The following IMPA2 variants were observed in gnomAD, a reference collection of about 807,000 sequenced individuals.
IMPA2 encodes the protein IMP 2.
Under a neutral mutation model 35.1 loss-of-function variants are expected in IMPA2, and 32 were observed. The observed-to-expected ratio is 0.91, with a 90% CI of 0.69 to 1.23. IMPA2 has a LOEUF of 1.23. IMPA2 is among the 50% of genes most tolerant of loss of function. IMPA2 has a pLI of 0.00. For synonymous variants in IMPA2, 135 were observed against 160.6 expected (o/e 0.84, Z 1.20); for missense variants, 334 against 387.6 (o/e 0.86, Z 1.16).
At chr18:11,987,840 G>C (rs181422814) in intron 1 of IMPA2, among the ~76,000 whole-genome samples, 149 of 152,216 alleles carry the variant, frequency 9.8e-4, no homozygotes, top group African/African-American at 3.5e-3. Flanking sequence ...ACTCCACCCT[G>C]CAGTGTGTGA....
In IMPA2 at chr18:12,028,789, C is replaced by T. The variant is rs538874707; in HGVS notation, c.600-53C>T. On this transcript the variant is annotated intron_variant, in intron 6 of 7. Coordinates refer to ENST00000269159, the MANE Select transcript of IMPA2 (RefSeq NM_014214.3). ...ACCTGGCTGAAGTCGGCTTGCACAC[C>T]ACAGAAAAGGCTCCACTCCCGCCTG... is the stretch of plus-strand genomic sequence containing the variant. The T allele has an allele frequency of 3.8e-6, 6 of 1,585,252 alleles. No homozygotes were observed. The South Asian group carries it at 6.9e-5, about 18-fold the overall frequency.
At chr18:11,986,746 T>A (rs959349981) in intron 1 of IMPA2, among the ~76,000 whole-genome samples, 1 of 152,150 alleles carries the variant, frequency 6.6e-6, no homozygotes, top group African/African-American at 2.4e-5. Context: ...TGTTCTCAAT[T>A]TTCTGAGAGT....
chr18:12,007,656 TTTCTTTCTTTCTTTCTTTCTTTCC>T, intron 2 of IMPA2, among the ~76,000 whole-genome samples: 1 of 118,066 alleles, frequency 8.5e-6, no homozygotes, highest in African/African-American at 3.3e-5. Context: ...TCTTTCTTTC[TTTCTTTCTTTCTTTCTTTCTTTCC>T]TTTCTTTCCT....
At position 12,030,485 on chromosome 18, in the gene IMPA2, A is replaced by T; in HGVS notation, c.*27A>T. ...TGCGGCTGAGGCAAAGCTGCTCCCA[A>T]GGCCTCCCTGGGCTGCTGTGGGCTC... On this transcript the variant is annotated 3_prime_UTR_variant, in exon 8 of 8. Coordinates refer to ENST00000269159, the MANE Select transcript of IMPA2 (RefSeq NM_014214.3). 1.3e-6 allele frequency: 2 copies of T among 1,582,278 alleles called. No homozygotes were observed. Among genetic ancestry groups the T allele is most frequent in the Non-Finnish European group, 1.7e-6 (2 of 1,150,974 alleles).
chr18:12,002,194 A>AT (rs1907132927), intron 2 of IMPA2, among the ~76,000 whole-genome samples: 1 of 152,124 alleles, frequency 6.6e-6, no homozygotes, highest in Non-Finnish European at 1.5e-5. Context: ...GGACATTGTG[A>AT]TTTTTTTCTG....
At position 12,012,203 on chromosome 18, in the gene IMPA2, T is replaced by C. The variant is rs1907452852; in HGVS notation, c.369T>C (p.Ala123=). ...CTGTGGCGGTTAGCATTGGATTTGC[T>C]GTTCGACAAGAGGTGCGGGTGTGGC... The part of the protein sequence containing the change: ...FPTVAVSIGF[A]VRQELEFGVI... The change falls in exon 4 of 8, where the codon GCT becomes GCC. Residue 123 remains alanine, a synonymous_variant. Coordinates refer to ENST00000269159, the MANE Select transcript of IMPA2 (RefSeq NM_014214.3). 2 of 1,614,088 alleles carry C rather than the reference T, an allele frequency of 1.2e-6. No homozygotes were observed.
chr18:12,005,144 C>A lies in IMPA2; in HGVS notation c.231-4739C>A, dbSNP rs28485581. On this transcript the variant is annotated intron_variant, in intron 2 of 7. Transcript: ENST00000269159. ...GCAGAAGCCTGCTCCCTGCTGCCCA[C>A]AAGCATGAGGCAGGTGGGAAGGGGG... Among the ~76,000 whole-genome samples, 659 of 152,274 alleles carry A rather than the reference C, an allele frequency of 4.3e-3. 3 individuals carry two copies. The highest frequency in any genetic ancestry group is 0.015 in the African/African-American group (628 of 41,556).
intron 5 of IMPA2, among the ~76,000 whole-genome samples, chr18:12,023,718 C>A (rs1217286497): frequency 1.3e-5 from 2 of 152,180 alleles, no homozygotes; most frequent in South Asian, 4.1e-4. Context: ...TCCTTCATCT[C>A]TTCCCAGGGT....
At chr18:11,995,945 A>G (rs1330311327) in intron 1 of IMPA2, among the ~76,000 whole-genome samples, 1 of 152,214 alleles carries the variant, frequency 6.6e-6, no homozygotes, top group South Asian at 2.1e-4. Flanking sequence ...TGCTAGGGGT[A>G]CAGAAGGGAA....
intron 5 of IMPA2, among the ~76,000 whole-genome samples, chr18:12,027,220 C>T (rs72875420): frequency 2.0e-5 from 3 of 152,314 alleles, no homozygotes; most frequent in Non-Finnish European, 2.9e-5. Context: ...TGTGGCACAA[C>T]AAGGACAAAC....
At chr18:12,015,697 T>C (rs994778753) in intron 5 of IMPA2, among the ~76,000 whole-genome samples, 1 of 152,238 alleles carries the variant, frequency 6.6e-6, no homozygotes, top group African/African-American at 2.4e-5. Context: ...CCTCTGGCCC[T>C]GCCTCACCTT....
chr18:12,030,677 G>A lies in IMPA2; in HGVS notation c.*219G>A. Reference sequence around the variant, plus strand: ...CTGTTTCTCTCTTTAATCTCACGTAGCCTTTTTCAGGTTAGTACGTGTTCT... The same window carrying A: ...CTGTTTCTCTCTTTAATCTCACGTAACCTTTTTCAGGTTAGTACGTGTTCT... On this transcript the variant is annotated 3_prime_UTR_variant, in exon 8 of 8. Transcript: ENST00000269159. 1 of 554,256 alleles carries A rather than the reference G, an allele frequency of 1.8e-6. No homozygotes were observed. Among genetic ancestry groups the A allele is most frequent in the Non-Finnish European group, 3.2e-6 (1 of 310,520 alleles). 34.3% of individuals were successfully genotyped at this position (554,256 alleles called of 1,614,324 possible).
rs982584329 is a variant in IMPA2, at chr18:11,999,138, G to C, written c.181G>C (p.Val61Leu). The change falls in exon 2 of 8, where the codon GTG becomes CTG. Residue 61 changes from valine (V) to leucine (L), a missense_variant. By Grantham distance (32) the Val-to-Leu change is conservative. Coordinates refer to ENST00000269159, the MANE Select transcript of IMPA2 (RefSeq NM_014214.3). ...TCTTGTGACAGAAACAGATCACCTT[G>C]TGGAAGATTTAATTATTTCTGAGTT... ...ADLVTETDHL[V>L]EDLIISELRE... 6.2e-7 allele frequency: 1 copy of C among 1,613,898 alleles called. No individual in the cohort carries two copies. Among genetic ancestry groups the C allele is most frequent in the Admixed American group, 1.7e-5 (1 of 60,002 alleles).
intron 2 of IMPA2, among the ~76,000 whole-genome samples, chr18:12,007,442 C>G (rs1189700756): frequency 6.6e-6 from 1 of 152,200 alleles, no homozygotes; most frequent in Admixed American, 6.5e-5. Context: ...CCAGCCTTAT[C>G]CAAAAGTTCA....
chr18:11,997,664 A>G (rs1906998936), intron 1 of IMPA2, among the ~76,000 whole-genome samples: 1 of 152,142 alleles, frequency 6.6e-6, no homozygotes, highest in South Asian at 2.1e-4. Context: ...TTCTGGCAGC[A>G]CAGGGCCTGG....
chr18:12,014,758 C>T (rs1283518067), intron 5 of IMPA2, among the ~76,000 whole-genome samples: 1 of 152,194 alleles, frequency 6.6e-6, no homozygotes, highest in Non-Finnish European at 1.5e-5. Flanking sequence ...TGCCCAGGTG[C>T]AGTCTGTGGC....
At chr18:12,015,548 C>T (rs542829538) in intron 5 of IMPA2, among the ~76,000 whole-genome samples, 1 of 152,186 alleles carries the variant, frequency 6.6e-6, no homozygotes, top group East Asian at 1.9e-4. Flanking sequence ...ACACGAAGGG[C>T]AAGATTGTGC....
chr18:11,984,949 C>A (rs1906617822), intron 1 of IMPA2, among the ~76,000 whole-genome samples: 1 of 130,414 alleles, frequency 7.7e-6, no homozygotes, highest in Admixed American at 8.3e-5. Flanking sequence ...GCCTGAGCGA[C>A]AGAGCAAGAC....
chr18:12,015,706 T>C (rs1373979782), intron 5 of IMPA2, among the ~76,000 whole-genome samples: 2 of 152,206 alleles, frequency 1.3e-5, no homozygotes, highest in African/African-American at 4.8e-5. Context: ...CTGCCTCACC[T>C]TCCCTCTCCA....
Sources: gnomAD v4.1 joint callset for allele counts (sites outside exome capture counted in the v4.1 genomes callset) on GRCh38, gnomAD v4.1.1 for gene constraint, MANE v1.5 for transcripts, NCBI Gene and HGNC (gene_info 2026-07-23, HGNC 2026-07-21) for gene names.